Variants in SAMMSON observed in about 807,000 individuals in gnomAD.
The protein encoded by SAMMSON is long intergenic non-protein coding RNA 1212.
chr3:70,152,884 G>A (rs2067577238), intron 4 of SAMMSON, among the ~76,000 whole-genome samples: 2 of 152,040 alleles, frequency 1.3e-5, no homozygotes, highest in Non-Finnish European at 2.9e-5. Flanking sequence ...AAAGGGAAAT[G>A]TGAATTTGAA....
intron 7 of SAMMSON, among the ~76,000 whole-genome samples, chr3:70,335,417 C>A (rs1702653578): frequency 6.6e-6 from 1 of 151,936 alleles, no homozygotes; most frequent in African/African-American, 2.4e-5. Flanking sequence ...TACCAGCACA[C>A]AATCATAGTT....
intron 6 of SAMMSON, among the ~76,000 whole-genome samples, chr3:70,264,810 T>C (rs1476406385): frequency 6.6e-6 from 1 of 152,146 alleles, no homozygotes; most frequent in African/African-American, 2.4e-5. Context: ...CTTGGGTGTG[T>C]GTGTAGGGAC....
At chr3:70,299,019 G>A (rs1702319109) in intron 7 of SAMMSON, among the ~76,000 whole-genome samples, 1 of 152,150 alleles carries the variant, frequency 6.6e-6, no homozygotes, top group South Asian at 2.1e-4. Flanking sequence ...TGAAAAGTAA[G>A]GTGTGAGGAT....
chr3:70,088,500 T>C (rs952712327), intron 4 of SAMMSON, among the ~76,000 whole-genome samples: 1 of 152,120 alleles, frequency 6.6e-6, no homozygotes, highest in African/African-American at 2.4e-5. Context: ...TAACTAGGGA[T>C]AAAAGGCAAG....
intron 4 of SAMMSON, among the ~76,000 whole-genome samples, chr3:70,091,811 G>A (rs1388516137): frequency 2.6e-5 from 4 of 152,114 alleles, no homozygotes; most frequent in Non-Finnish European, 5.9e-5. Context: ...AAGTCAAGAG[G>A]TATGCACTCA....
intron 4 of SAMMSON, among the ~76,000 whole-genome samples, chr3:70,155,433 G>C (rs1209486170): frequency 1.3e-5 from 2 of 151,958 alleles, no homozygotes; most frequent in African/African-American, 4.8e-5. Flanking sequence ...TCCATCTTTT[G>C]CCTCTGTCAC....
chr3:70,167,594 G>A (rs2067642942), intron 4 of SAMMSON, among the ~76,000 whole-genome samples: 1 of 151,820 alleles, frequency 6.6e-6, no homozygotes, highest in African/African-American at 2.4e-5. Context: ...ACTCCTTTCA[G>A]CTACCTCCTA....
intron 4 of SAMMSON, among the ~76,000 whole-genome samples, chr3:70,190,111 C>T (rs1357573561): frequency 6.6e-6 from 1 of 152,126 alleles, no homozygotes; most frequent in Non-Finnish European, 1.5e-5. Context: ...CCATTTCTTC[C>T]CTAATGAAAA....
chr3:70,300,513 A>C (rs1245062451), intron 7 of SAMMSON, among the ~76,000 whole-genome samples: 5 of 152,068 alleles, frequency 3.3e-5, no homozygotes, highest in Non-Finnish European at 7.4e-5. Context: ...TTATATACAT[A>C]CATATATATT....
At chr3:70,284,101 G>A (rs960165925) in intron 6 of SAMMSON, among the ~76,000 whole-genome samples, 2 of 152,030 alleles carry the variant, frequency 1.3e-5, no homozygotes, top group Admixed American at 1.3e-4. Context: ...TTTCATGAGT[G>A]CAACTCTTAA....
chr3:70,158,849 T>C (rs1363353429), intron 4 of SAMMSON, among the ~76,000 whole-genome samples: 1 of 152,058 alleles, frequency 6.6e-6, no homozygotes, highest in East Asian at 1.9e-4. Flanking sequence ...ATTTATACTT[T>C]TGTATTAGTG....
intron 7 of SAMMSON, among the ~76,000 whole-genome samples, chr3:70,320,953 G>A (rs1301298665): frequency 6.6e-6 from 1 of 152,030 alleles, no homozygotes; most frequent in East Asian, 1.9e-4. Context: ...AGAGTTGTTG[G>A]GGAGGGAGGC....
intron 6 of SAMMSON, chr3:70,272,247 A>G (rs1367160548): frequency 6.6e-6 from 1 of 152,168 alleles, no homozygotes; most frequent in Non-Finnish European, 1.5e-5. Flanking sequence ...AAATATTTCT[A>G]TCTCCCCAAG....
intron 4 of SAMMSON, among the ~76,000 whole-genome samples, chr3:70,098,891 T>G (rs1488286796): frequency 6.6e-6 from 1 of 152,204 alleles, no homozygotes; most frequent in African/African-American, 2.4e-5. Flanking sequence ...TTTTACTATA[T>G]CTATGTGTGT....
chr3:70,342,587 T>C (rs1188470414), intron 7 of SAMMSON, among the ~76,000 whole-genome samples: 1 of 152,210 alleles, frequency 6.6e-6, no homozygotes, highest in Non-Finnish European at 1.5e-5. Context: ...AATGGCTAAC[T>C]GCGAGCTACA....
intron 4 of SAMMSON, among the ~76,000 whole-genome samples, chr3:70,163,568 C>T (rs1576140163): frequency 6.6e-6 from 1 of 151,770 alleles, no homozygotes; most frequent in East Asian, 1.9e-4. Context: ...TTTTAAAATG[C>T]CAGGTTGGGG....
At chr3:70,062,667 T>C (rs925602229) in intron 3 of SAMMSON, among the ~76,000 whole-genome samples, 1 of 152,088 alleles carries the variant, frequency 6.6e-6, no homozygotes, top group Non-Finnish European at 1.5e-5. Context: ...CTCTAATGTC[T>C]CCTCTCTGCC....
In SAMMSON at chr3:70,221,820, G is replaced by A. The variant is rs17006865; in HGVS notation, n.508-27287G>A. Among the ~76,000 whole-genome samples the A allele has an allele frequency of 7.8e-3, 1,186 of 152,056 alleles. 32 individuals are homozygous for A. Among genetic ancestry groups the A allele is most frequent in the East Asian group, 0.064 (319 of 5,010 alleles). ...GTGGTCTTGCCATTTACAGGACATTGCTAAATTTTTTGGCTGGGGCAAAAG... is the reference window on the plus strand; with the variant it reads ...GTGGTCTTGCCATTTACAGGACATTACTAAATTTTTTGGCTGGGGCAAAAG... On this transcript the variant is annotated intron_variant and non_coding_transcript_variant, in intron 4 of 9. Transcript: ENST00000642114.
intron 2 of SAMMSON, among the ~76,000 whole-genome samples, chr3:70,422,767 A>C (rs139957384): frequency 6.6e-6 from 1 of 152,072 alleles, no homozygotes; most frequent in African/African-American, 2.4e-5. Context: ...ATAAATAAAA[A>C]AAAGCACCAA....
Sources: gnomAD v4.1 joint callset for allele counts (sites outside exome capture counted in the v4.1 genomes callset) on GRCh38, gnomAD v4.1.1 for gene constraint, MANE v1.5 for transcripts, NCBI Gene and HGNC (gene_info 2026-07-23, HGNC 2026-07-21) for gene names.